C6orf62: variants seen among roughly 807,000 people sequenced by gnomAD.
The protein encoded by C6orf62 is uncharacterized protein C6orf62.
In C6orf62, 16 loss-of-function variants were observed where a neutral mutation model predicts 26.8. The ratio of observed to expected loss-of-function variants is 0.60; its 90% CI spans 0.40 to 0.91. The LOEUF (loss-of-function observed/expected upper bound fraction) is 0.91. Among genes scored for constraint, C6orf62 ranks in the 40% least tolerant of loss-of-function variants. The pLI is 0.00. For synonymous variants in C6orf62, 112 were observed against 91.5 expected (o/e 1.22, Z -1.28); for missense variants, 192 against 271.4 (o/e 0.71, Z 2.06).
chr6:24,719,880 G>C, upstream of C6orf62: 1 of 1,550,146 alleles, frequency 6.5e-7, no homozygotes, highest in Non-Finnish European at 8.7e-7. Context: ...GGAGACACAG[G>C]ATCACTCAGG....
At chr6:24,707,507 G>A (rs377703330) in intron 4 of C6orf62, among the ~76,000 whole-genome samples, 3 of 151,882 alleles carry the variant, frequency 2.0e-5, no homozygotes, top group South Asian at 2.1e-4. Context: ...ACAGGAACAC[G>A]CCACAATGTC....
At chr6:24,706,710 AAG>A (rs1779017476) in intron 4 of C6orf62, 1 of 159,638 alleles carries the variant, frequency 6.3e-6, no homozygotes, top group South Asian at 1.8e-4. Context: ...CCAAGAGTTC[AAG>A]ACCATTCTGG....
upstream of C6orf62, chr6:24,719,700 C>T: frequency 6.7e-7 from 1 of 1,487,888 alleles, no homozygotes; most frequent in Non-Finnish European, 8.9e-7. Context: ...GATCTGCCCC[C>T]GTTCAAAATG....
intron 3 of C6orf62, among the ~76,000 whole-genome samples, chr6:24,711,884 A>C (rs1779127598): frequency 6.6e-6 from 1 of 152,154 alleles, no homozygotes; most frequent in Non-Finnish European, 1.5e-5. Flanking sequence ...TACCTACATC[A>C]TACTGCTTAC....
intron 4 of C6orf62, among the ~76,000 whole-genome samples, chr6:24,708,487 G>A (rs1321603692): frequency 6.6e-6 from 1 of 152,076 alleles, no homozygotes; most frequent in Non-Finnish European, 1.5e-5. Context: ...ACAGGCACAC[G>A]CCACCATGCC....
upstream of C6orf62, chr6:24,720,709 G>C (rs1038977748): frequency 3.3e-5 from 5 of 152,476 alleles, no homozygotes; most frequent in African/African-American, 1.2e-4. Flanking sequence ...GAGGAGACCC[G>C]GAGGGGGGAA....
At chr6:24,720,013 G>GGGGGGGGGCCCC, upstream of C6orf62, 2 of 1,479,410 alleles carry the variant, frequency 1.4e-6, no homozygotes, top group Non-Finnish European at 1.8e-6. Flanking sequence ...TCTAAAGTAA[G>GGGGGGGGGCCCC]CCCACCCACC....
At chr6:24,719,471 A>T, upstream of C6orf62, 1 of 1,093,574 alleles carries the variant, frequency 9.1e-7, no homozygotes, top group Non-Finnish European at 1.1e-6. Flanking sequence ...CCATGAGAAA[A>T]AACAGCGGAG....
intron 3 of C6orf62, among the ~76,000 whole-genome samples, chr6:24,712,690 C>CAAAAAAA (rs10574302): frequency 9.9e-6 from 1 of 100,700 alleles, no homozygotes; most frequent in African/African-American, 3.8e-5. Flanking sequence ...GACTCTGTCT[C>CAAAAAAA]AAAAAAAAAA....
At chr6:24,718,186 A>G (rs1195739242) in intron 1 of C6orf62, among the ~76,000 whole-genome samples, 1 of 152,220 alleles carries the variant, frequency 6.6e-6, no homozygotes, top group Non-Finnish European at 1.5e-5. Flanking sequence ...CACACTTTCA[A>G]CCATCTTATT....
chr6:24,719,745 C>T (rs925152741), upstream of C6orf62: 51 of 1,538,512 alleles, frequency 3.3e-5, no homozygotes, highest in Non-Finnish European at 4.3e-5. Context: ...GTGAGCATTG[C>T]CGAGGCAAAG....
chr6:24,718,722 A>G lies in C6orf62; in HGVS notation c.-54T>C, dbSNP rs1244923012. 6.3e-7 allele frequency: 1 copy of G among 1,598,848 alleles called. No individual in the cohort carries two copies. Reference sequence around the variant, plus strand: ...TGGAAATTGTCACTAAACTATGGGCACTTTTTCTTAAGACTCAAGTACAAC... The same window carrying G: ...TGGAAATTGTCACTAAACTATGGGCGCTTTTTCTTAAGACTCAAGTACAAC... On this transcript the variant is annotated 5_prime_UTR_variant, in exon 1 of 5. Coordinates refer to ENST00000378119, the MANE Select transcript of C6orf62 (RefSeq NM_030939.5).
In C6orf62 at chr6:24,705,974, T is replaced by TG; in HGVS notation, c.*162_*163insC. 9.1e-7 allele frequency: 1 copy of TG among 1,097,590 alleles called. No individual in the cohort carries two copies. Among genetic ancestry groups the TG allele is most frequent in the Non-Finnish European group, 1.2e-6 (1 of 805,130 alleles). 68.0% of individuals were successfully genotyped at this position (1,097,590 alleles called of 1,614,324 possible). On this transcript the variant is annotated 3_prime_UTR_variant, in exon 5 of 5. Coordinates refer to ENST00000378119, the MANE Select transcript of C6orf62 (RefSeq NM_030939.5). The stretch of plus-strand genomic sequence containing the variant: ...TCTAATTTTTGTTTAAGTTCTGAGA[T>TG]AAAAATGATTTAAAAAAATCCAGGA...
At chr6:24,707,967 C>T (rs1324381533) in intron 4 of C6orf62, among the ~76,000 whole-genome samples, 4 of 151,382 alleles carry the variant, frequency 2.6e-5, no homozygotes, top group Non-Finnish European at 4.4e-5. Flanking sequence ...ACTGAGATTG[C>T]GCCACGGCAC....
chr6:24,709,021 T>C (rs559156570), intron 3 of C6orf62, 110 bp from the exon 4 acceptor site: 1 of 1,499,620 alleles, frequency 6.7e-7, no homozygotes, highest in East Asian at 2.4e-5. Flanking sequence ...TCCGTTATCT[T>C]TTCCTCTTTA....
upstream of C6orf62, chr6:24,719,884 A>C: frequency 3.2e-6 from 5 of 1,548,116 alleles, no homozygotes; most frequent in South Asian, 1.2e-5. Flanking sequence ...ACACAGGATC[A>C]CTCAGGTTTT....
chr6:24,720,205 G>A (rs1250224676), upstream of C6orf62: 7 of 1,358,042 alleles, frequency 5.2e-6, no homozygotes, highest in African/African-American at 1.1e-4. Context: ...CGCGGAGCCC[G>A]GGACTCACGG....
chr6:24,709,626 A>T (rs1171716160), intron 3 of C6orf62: 14 of 985,286 alleles, frequency 1.4e-5, no homozygotes, highest in Admixed American at 6.1e-5. Context: ...TTTTATGTGA[A>T]TTTTTCCCAC....
chr6:24,720,270 TGGCGGCGGC>T (rs1008701467), upstream of C6orf62: 1 of 1,294,438 alleles, frequency 7.7e-7, no homozygotes, highest in African/African-American at 1.6e-5. Flanking sequence ...GGCGGAGCGG[TGGCGGCGGC>T]GGAAGAGGCG....
Sources: allele counts gnomAD v4.1 joint callset (sites outside exome capture counted in the v4.1 genomes callset), GRCh38; gene constraint gnomAD v4.1.1; transcripts MANE v1.5; gene names NCBI Gene and HGNC (gene_info 2026-07-23, HGNC 2026-07-21).